ARFGEF2: variants seen among roughly 807,000 people sequenced by gnomAD.
The protein encoded by ARFGEF2 is ARF guanine nucleotide exchange factor 2, also known as brefeldin A-inhibited guanine nucleotide-exchange protein 2.
In ARFGEF2, 74 loss-of-function variants were observed where a neutral mutation model predicts 219.9. That is an observed-to-expected ratio of 0.34 (90% CI 0.28 to 0.41). ARFGEF2 has a LOEUF of 0.41. Ranked by LOEUF, ARFGEF2 falls within the 10% of genes least tolerant of loss-of-function variation. The probability of loss-of-function intolerance (pLI) is 1.00; values close to 1 mark genes in which losing one functional copy is unlikely to be tolerated. For synonymous variants in ARFGEF2, 733 were observed against 799.2 expected (o/e 0.92, Z 1.40); for missense variants, 1,743 against 2,218.3 (o/e 0.79, Z 4.30).
intron 1 of ARFGEF2, among the ~76,000 whole-genome samples, chr20:48,932,768 C>G (rs1600585624): frequency 6.6e-6 from 1 of 152,082 alleles, no homozygotes; most frequent in South Asian, 2.1e-4. Flanking sequence ...TGGAAGTTCC[C>G]CAGTTCCATA....
chr20:49,000,183 T>C (rs370533553), intron 25 of ARFGEF2, among the ~76,000 whole-genome samples: 1 of 152,244 alleles, frequency 6.6e-6, no homozygotes, highest in African/African-American at 2.4e-5. Flanking sequence ...CATTGTCATA[T>C]GTAGGCTTGC....
intron 20 of ARFGEF2, among the ~76,000 whole-genome samples, chr20:48,990,242 A>G (rs1450513290): frequency 1.3e-5 from 2 of 152,176 alleles, no homozygotes; most frequent in Admixed American, 1.3e-4. Flanking sequence ...TTGACAAAGC[A>G]GACTTCGTGT....
chr20:48,964,309 G>A (rs1224598767), intron 7 of ARFGEF2, among the ~76,000 whole-genome samples: 1 of 152,228 alleles, frequency 6.6e-6, no homozygotes, highest in African/African-American at 2.4e-5. Flanking sequence ...GGAGGCTGAG[G>A]CAGGAGAATT....
rs775098539 is a variant in ARFGEF2, at chr20:49,028,621, T to C, written c.5016T>C (p.Asp1672=). The C allele has an allele frequency of 1.2e-6, 2 of 1,614,170 alleles. No individual in the cohort carries two copies. ...GGATCCTGTTTCGAATGTATGTTGA[T>C]GAGAACCGCAGGGATTCCTGGGAAG... ...CLRILFRMYV[D]ENRRDSWEEI... is the part of the protein sequence containing the mutation. Residue 1672 remains aspartate, a synonymous_variant, in exon 37 of 39, where the codon GAT becomes GAC. Transcript: ENST00000371917.
rs1372712604 is a variant in ARFGEF2 at position 48,989,666 on chromosome 20, C to T, written c.2796C>T (p.Ala932=). The T allele has an allele frequency of 1.2e-6, 2 of 1,614,204 alleles. No individual in the cohort carries two copies. The highest frequency in any genetic ancestry group is 1.7e-6 in the Non-Finnish European group (2 of 1,180,048). Residue 932 remains alanine, a synonymous_variant, in exon 20 of 39, where the codon GCC becomes GCT. Transcript: ENST00000371917. ...GCATCCGATGTGCAATCCGAATCGC[C>T]TGCATCTTTGGAATGCAGGTAGGTG... ...LEGIRCAIRI[A]CIFGMQLERD... is the part of the protein sequence containing the mutation.
chr20:48,965,499 C>T (rs2091181780), intron 7 of ARFGEF2, among the ~76,000 whole-genome samples: 1 of 152,132 alleles, frequency 6.6e-6, no homozygotes, highest in Non-Finnish European at 1.5e-5. Context: ...TGGCTCTTCT[C>T]TAATTCCTTT....
chr20:48,958,623 T>C, intron 6 of ARFGEF2, among the ~76,000 whole-genome samples: 1 of 151,918 alleles, frequency 6.6e-6, no homozygotes, highest in East Asian at 1.9e-4. Flanking sequence ...TTTGTATTTT[T>C]AGTAGAGATG....
At chr20:48,997,070 A>G (rs1403297123) in intron 23 of ARFGEF2, among the ~76,000 whole-genome samples, 1 of 151,832 alleles carries the variant, frequency 6.6e-6, no homozygotes, top group Non-Finnish European at 1.5e-5. Flanking sequence ...TAGTTTCCTT[A>G]TACTAACATC....
intron 6 of ARFGEF2, among the ~76,000 whole-genome samples, chr20:48,959,411 C>CCTT (rs2091125671): frequency 7.5e-6 from 1 of 133,696 alleles, no homozygotes; most frequent in African/African-American, 2.8e-5. Flanking sequence ...CTCCTTCCTT[C>CCTT]CCTCCCTCCC....
chr20:48,944,489 G>T (rs1157386142), intron 3 of ARFGEF2, among the ~76,000 whole-genome samples: 2 of 152,092 alleles, frequency 1.3e-5, no homozygotes, highest in Non-Finnish European at 2.9e-5. Flanking sequence ...GACCAGCCTA[G>T]TCCAAGGTAG....
intron 6 of ARFGEF2, among the ~76,000 whole-genome samples, chr20:48,958,949 G>A (rs1451601825): frequency 6.6e-6 from 1 of 152,238 alleles, no homozygotes; most frequent in Non-Finnish European, 1.5e-5. Context: ...CCTGGCTGAA[G>A]AGGGCAGCTT....
At chr20:48,934,432 C>T (rs1000756266) in intron 1 of ARFGEF2, among the ~76,000 whole-genome samples, 1 of 152,258 alleles carries the variant, frequency 6.6e-6, no homozygotes, top group Non-Finnish European at 1.5e-5. Context: ...GTTTGCTGCA[C>T]CCATCAACCC....
rs1053012591 is a variant in ARFGEF2, at chr20:49,012,159, A to C, written c.3918+75A>C. ...TGGAGCAGAAATTCTTGCTCCTAAC[A>C]AAGAGCTTTCCAGCTACTCTTTTAG... On this transcript the variant is annotated intron_variant, in intron 28 of 38. Transcript: ENST00000371917. The C allele has an allele frequency of 2.5e-6, 4 of 1,589,690 alleles. No homozygotes were observed. The African/African-American group carries it at 5.4e-5, about 21-fold the overall frequency.
At chr20:48,996,337 C>G (rs570027317) in intron 23 of ARFGEF2, among the ~76,000 whole-genome samples, 82 of 152,140 alleles carry the variant, frequency 5.4e-4, no homozygotes, top group African/African-American at 1.9e-3. Flanking sequence ...CACCTGTAGT[C>G]CCAGCTACTC....
In ARFGEF2 at chr20:49,013,658, G is replaced by A; in HGVS notation, c.4013G>A (p.Cys1338Tyr). ...GWFPILFELSCIINRCKLDVR... is the reference protein window; with the variant it reads ...GWFPILFELSYIINRCKLDVR... ...TTCCCCATCTTATTCGAACTCTCCT[G>A]CATCATTAATAGATGCAAGTTAGAT... The change falls in exon 29 of 39, where the codon TGC becomes TAC. Residue 1338 changes from cysteine (C) to tyrosine (Y), a missense_variant. Cys to Tyr is a radical substitution (Grantham distance 194). This residue lies in a region of ARFGEF2 where 578 missense variants were observed against 664.0 expected (regional missense o/e 0.87). Coordinates refer to ENST00000371917, the MANE Select transcript of ARFGEF2 (RefSeq NM_006420.3). 3 of 1,614,116 alleles carry A rather than the reference G, an allele frequency of 1.9e-6. No homozygotes were observed. The highest frequency in any genetic ancestry group is 2.5e-6 in the Non-Finnish European group (3 of 1,180,008).
In ARFGEF2 at chr20:49,035,971, G is replaced by C. The variant is rs1172325422; in HGVS notation, c.*2772G>C. 2 of 389,686 alleles carry C rather than the reference G, an allele frequency of 5.1e-6. No individual in the cohort carries two copies. The highest frequency in any genetic ancestry group is 9.0e-6 in the Non-Finnish European group (2 of 222,218). 24.1% of individuals were successfully genotyped at this position (389,686 alleles called of 1,614,324 possible). Reference sequence around the variant, plus strand: ...TCTGGAAACACAACATTTTCCTCTGGCAGGTGACTTTTGTACGAAATGAAA... The same window carrying C: ...TCTGGAAACACAACATTTTCCTCTGCCAGGTGACTTTTGTACGAAATGAAA... On this transcript the variant is annotated 3_prime_UTR_variant, in exon 39 of 39. Transcript: ENST00000371917.
chr20:48,932,646 T>G (rs1377108677), intron 1 of ARFGEF2, among the ~76,000 whole-genome samples: 2 of 151,716 alleles, frequency 1.3e-5, no homozygotes, highest in East Asian at 1.9e-4. Context: ...CCCTGGAAAA[T>G]GAGGAAAAAG....
At chr20:48,928,485 A>G (rs1216829826) in intron 1 of ARFGEF2, among the ~76,000 whole-genome samples, 2 of 140,896 alleles carry the variant, frequency 1.4e-5, no homozygotes, top group African/African-American at 5.3e-5. Flanking sequence ...GGCGTGAGCC[A>G]CCGCGCCCGG....
intron 1 of ARFGEF2, among the ~76,000 whole-genome samples, chr20:48,938,942 C>A (rs2090976818): frequency 6.7e-6 from 1 of 148,454 alleles, no homozygotes; most frequent in African/African-American, 2.5e-5. Flanking sequence ...GTTGGTGTAA[C>A]TTTTGTGTTT....
Sources: gnomAD v4.1 joint callset for allele counts (sites outside exome capture counted in the v4.1 genomes callset) on GRCh38, gnomAD v4.1.1 for gene constraint, gnomAD v4.1.1 regional missense constraint, MANE v1.5 for transcripts, NCBI Gene and HGNC (gene_info 2026-07-23, HGNC 2026-07-21) for gene names.